UBE4B: variants seen among roughly 807,000 people sequenced by gnomAD.
The protein encoded by UBE4B is ubiquitination factor E4B.
UBE4B carries 27 observed loss-of-function variants against 148.1 expected under a neutral mutation model. That is an observed-to-expected ratio of 0.18 (90% CI 0.13 to 0.25). The LOEUF is 0.25. UBE4B is among the 10% of genes least tolerant of loss of function. The pLI is 1.00. For missense variants in UBE4B, 1,170 were observed against 1,662.4 expected (o/e 0.70, Z 5.15); for synonymous variants, 596 against 619.3 (o/e 0.96, Z 0.56).
chr1:10,155,934 G>A (rs1391604392), intron 21 of UBE4B, among the ~76,000 whole-genome samples: 1 of 151,848 alleles, frequency 6.6e-6, no homozygotes, highest in Non-Finnish European at 1.5e-5. Flanking sequence ...TGAGGCTGGG[G>A]AATTGCTTGA....
chr1:10,102,389 C>CTTT (rs1645027887), intron 4 of UBE4B, among the ~76,000 whole-genome samples: 1 of 69,784 alleles, frequency 1.4e-5, no homozygotes, highest in Non-Finnish European at 3.0e-5. Context: ...AATGACTTTG[C>CTTT]TCTTTTTTTT....
chr1:10,134,852 T>C, intron 15 of UBE4B, 136 bp from the exon 16 acceptor site: 2 of 676,774 alleles, frequency 3.0e-6, no homozygotes. Flanking sequence ...GGTGGGAGGA[T>C]TGCTTGAGCC....
intron 1 of UBE4B, among the ~76,000 whole-genome samples, chr1:10,034,902 A>T (rs1570750474): frequency 6.6e-6 from 1 of 152,236 alleles, no homozygotes; most frequent in South Asian, 2.1e-4. Flanking sequence ...TTTCGAATAC[A>T]GCAGAAATGT....
chr1:10,151,309 T>C lies in UBE4B; in HGVS notation c.2691-17T>C, dbSNP rs1397519600. The C allele has an allele frequency of 3.1e-6, 5 of 1,611,388 alleles. No individual in the cohort carries two copies. In the Admixed American group the frequency reaches 5.0e-5, roughly 16 times the overall value. ...TTTCTCAGCGGTCTCTTTCTTGCTCTTCTTGCCTCTGTTCAGATACTCTCC... is the reference window on the plus strand; with the variant it reads ...TTTCTCAGCGGTCTCTTTCTTGCTCCTCTTGCCTCTGTTCAGATACTCTCC... On this transcript the variant is annotated splice_polypyrimidine_tract_variant and intron_variant, in intron 20 of 27. Coordinates refer to ENST00000343090, the MANE Select transcript of UBE4B (RefSeq NM_001105562.3).
In UBE4B at chr1:10,180,225, G is replaced by A. The variant is rs544160201; in HGVS notation, c.*269G>A. The A allele has an allele frequency of 1.9e-4, 91 of 485,018 alleles. No individual in the cohort carries two copies. Among genetic ancestry groups the A allele is most frequent in the African/African-American group, 1.5e-3 (78 of 51,276 alleles). 30.0% of individuals were successfully genotyped at this position (485,018 alleles called of 1,614,324 possible). A position where few individuals can be genotyped will look rare whatever the true frequency, so the allele number is the denominator to read the frequency against. ...GCTTGTGTAATAAAGCATGTCCTTCGTATGTCACAGTTTGGGGCAACGGAA... is the reference window on the plus strand; with the variant it reads ...GCTTGTGTAATAAAGCATGTCCTTCATATGTCACAGTTTGGGGCAACGGAA... On this transcript the variant is annotated 3_prime_UTR_variant, in exon 28 of 28. Coordinates refer to ENST00000343090, the MANE Select transcript of UBE4B (RefSeq NM_001105562.3).
At position 10,072,164 on chromosome 1, in the gene UBE4B, G is replaced by C. The variant is rs1254275488; in HGVS notation, c.161G>C (p.Gly54Ala). The C allele has an allele frequency of 3.1e-6, 5 of 1,613,780 alleles. No homozygotes were observed. In the African/African-American group the frequency reaches 6.7e-5, roughly 22 times the overall value. Residue 54 changes from glycine (G) to alanine (A), a missense_variant, in exon 2 of 28, where the codon GGT (glycine) becomes GCT (alanine). Physicochemically the swap from Gly to Ala is moderately conservative, Grantham distance 60. This residue lies in a region of UBE4B where 127 missense variants were observed against 153.2 expected (regional missense o/e 0.83). Transcript: ENST00000343090. ...GCCCCAGGACCCTCTCAGAGTCTTG[G>C]TCTCAATGTCCACAACATGACCCCA... is the stretch of plus-strand genomic sequence containing the variant. ...ASAPGPSQSL[G>A]LNVHNMTPAT...
intron 23 of UBE4B, among the ~76,000 whole-genome samples, chr1:10,165,779 A>G (rs1161878022): frequency 6.6e-6 from 1 of 152,048 alleles, no homozygotes; most frequent in Non-Finnish European, 1.5e-5. Context: ...CACCCTTTCC[A>G]GAATAGCATT....
At chr1:10,111,016 C>T (rs984248105) in intron 7 of UBE4B, among the ~76,000 whole-genome samples, 11 of 149,824 alleles carry the variant, frequency 7.3e-5, no homozygotes, top group Non-Finnish European at 1.5e-4. Flanking sequence ...CTGTCTCTCT[C>T]TGTCTCTCTC....
intron 23 of UBE4B, among the ~76,000 whole-genome samples, chr1:10,164,020 C>T (rs1646208831): frequency 6.6e-6 from 1 of 151,136 alleles, no homozygotes; most frequent in African/African-American, 2.4e-5. Context: ...AGCCACCATG[C>T]CCAGCCTTAT....
At chr1:10,179,608 A>G (rs765689895) in intron 27 of UBE4B, 46 bp downstream of exon 27, 1 of 1,603,952 alleles carries the variant, frequency 6.2e-7, no homozygotes, top group South Asian at 1.1e-5. Context: ...GTCAGTACCA[A>G]GAGATAAAGC....
In UBE4B at chr1:10,038,818, C is replaced by CG. The variant is rs1557502095; in HGVS notation, c.24+5127dup. Reference sequence around the variant, plus strand: ...GCGTTAAAAATTTGGGAGTTGGGGCCGGGCGCGGTGGCTCACGCCTGTAAT... The same window carrying CG: ...GCGTTAAAAATTTGGGAGTTGGGGCCGGGGCGCGGTGGCTCACGCCTGTAAT... On this transcript the variant is annotated intron_variant, in intron 1 of 27. Transcript: ENST00000343090. 2.0e-5 allele frequency among the ~76,000 whole-genome samples: 3 copies of CG among 152,026 alleles called. No individual in the cohort carries two copies. In the South Asian group the frequency reaches 6.2e-4, roughly 32 times the overall value.
intron 1 of UBE4B, among the ~76,000 whole-genome samples, chr1:10,070,985 C>G (rs149343012): frequency 7.2e-5 from 11 of 152,216 alleles, no homozygotes; most frequent in Admixed American, 6.5e-4. Context: ...CATCTCAGCT[C>G]ACTGCAATTG....
At chr1:10,049,411 G>A (rs1245372536) in intron 1 of UBE4B, among the ~76,000 whole-genome samples, 2 of 152,016 alleles carry the variant, frequency 1.3e-5, no homozygotes, top group South Asian at 2.1e-4. Flanking sequence ...GGACTGGGAA[G>A]ATTTGAATTA....
intron 2 of UBE4B, among the ~76,000 whole-genome samples, chr1:10,084,842 C>T (rs191581844): frequency 7.2e-4 from 110 of 151,756 alleles, no homozygotes; most frequent in African/African-American, 2.3e-3. Context: ...GGATTACAAG[C>T]ACCCGCCACC....
At chr1:10,159,684 C>CAAAT (rs202002246) in intron 22 of UBE4B, among the ~76,000 whole-genome samples, 7,721 of 151,956 alleles carry the variant, frequency 0.051, 529 homozygotes, top group East Asian at 0.23. Flanking sequence ...GACTCCGTCT[C>CAAAT]AAATAAATAA....
intron 9 of UBE4B, among the ~76,000 whole-genome samples, chr1:10,121,332 G>A (rs1255043785): frequency 6.6e-6 from 1 of 152,070 alleles, no homozygotes; most frequent in Admixed American, 6.6e-5. Flanking sequence ...TCCAGCCTGG[G>A]CAACAGAGCG....
intron 1 of UBE4B, among the ~76,000 whole-genome samples, chr1:10,046,901 T>C (rs902063591): frequency 6.6e-6 from 1 of 152,244 alleles, no homozygotes; most frequent in Non-Finnish European, 1.5e-5. Context: ...TGCATGCGAA[T>C]TGGCAAGCTT....
At chr1:10,036,614 T>G (rs370131299) in intron 1 of UBE4B, among the ~76,000 whole-genome samples, 1 of 151,788 alleles carries the variant, frequency 6.6e-6, no homozygotes, top group Non-Finnish European at 1.5e-5. Context: ...GCCAGACAAA[T>G]AGTTATTTTG....
chr1:10,113,451 A>G (rs1467546013), intron 7 of UBE4B, among the ~76,000 whole-genome samples: 1 of 152,212 alleles, frequency 6.6e-6, no homozygotes, highest in African/African-American at 2.4e-5. Context: ...AGCTTTGAAC[A>G]TTCTCTCATA....
Sources: gnomAD v4.1 joint callset for allele counts (sites outside exome capture counted in the v4.1 genomes callset) on GRCh38, gnomAD v4.1.1 for gene constraint, gnomAD v4.1.1 regional missense constraint, MANE v1.5 for transcripts, NCBI Gene and HGNC (gene_info 2026-07-23, HGNC 2026-07-21) for gene names.